F13A1: variants seen among roughly 807,000 people sequenced by gnomAD.
F13A1 encodes the protein FSF, A subunit.
F13A1 carries 47 observed loss-of-function variants against 80.1 expected under a neutral mutation model. The ratio of observed to expected loss-of-function variants is 0.59; its 90% CI spans 0.46 to 0.75. The LOEUF (loss-of-function observed/expected upper bound fraction) is 0.75, where lower values mean the gene tolerates loss of function less well. Among genes scored for constraint, F13A1 ranks in the 30% least tolerant of loss-of-function variants. The pLI is 0.00. For missense variants in F13A1, 817 were observed against 930.4 expected (o/e 0.88, Z 1.59); for synonymous variants, 349 against 344.9 (o/e 1.01, Z -0.13).
chr6:6,231,276 A>C (rs1757348878), intron 6 of F13A1, among the ~76,000 whole-genome samples: 1 of 152,218 alleles, frequency 6.6e-6, no homozygotes, highest in Admixed American at 6.5e-5. Context: ...TACGAATGCG[A>C]AATGCTCTGG....
chr6:6,270,474 A>G (rs1757906181), intron 3 of F13A1, among the ~76,000 whole-genome samples: 2 of 152,220 alleles, frequency 1.3e-5, no homozygotes, highest in East Asian at 1.9e-4. Flanking sequence ...CAATTTTAAG[A>G]TTGCAAAAGT....
intron 6 of F13A1, among the ~76,000 whole-genome samples, chr6:6,227,244 T>C (rs1387592826): frequency 6.6e-6 from 1 of 152,208 alleles, no homozygotes; most frequent in Non-Finnish European, 1.5e-5. Context: ...GTCTAGAAGA[T>C]CACTATTCAA....
chr6:6,258,698 G>A (rs1457301968), intron 4 of F13A1, among the ~76,000 whole-genome samples: 1 of 152,150 alleles, frequency 6.6e-6, no homozygotes, highest in African/African-American at 2.4e-5. Flanking sequence ...AGTCTCTAAT[G>A]ACTCAGATAC....
chr6:6,157,937 AAG>A (rs1019069303), intron 13 of F13A1, among the ~76,000 whole-genome samples: 6 of 152,166 alleles, frequency 3.9e-5, no homozygotes, highest in East Asian at 1.9e-4. Flanking sequence ...AGCTGTCCTG[AAG>A]AGAGAGATGG....
chr6:6,232,195 C>T (rs902356175), intron 6 of F13A1, among the ~76,000 whole-genome samples: 7 of 152,114 alleles, frequency 4.6e-5, no homozygotes, highest in African/African-American at 1.7e-4. Context: ...CTGTCTGCTG[C>T]CTTCAGGAAA....
intron 8 of F13A1, chr6:6,206,333 C>A (rs1761488849): frequency 2.7e-6 from 1 of 377,026 alleles, no homozygotes; most frequent in African/African-American, 2.1e-5. Flanking sequence ...AAACTAGTAA[C>A]CTTCTAACGG....
At chr6:6,164,865 G>C (rs950567856) in intron 13 of F13A1, among the ~76,000 whole-genome samples, 1 of 139,342 alleles carries the variant, frequency 7.2e-6, no homozygotes, top group African/African-American at 2.7e-5. Flanking sequence ...TCCCTCCCCT[G>C]CTATGACTCT....
intron 9 of F13A1, 126 bp from the exon 10 acceptor site, chr6:6,196,011 C>A: frequency 1.1e-6 from 1 of 897,818 alleles, no homozygotes. Context: ...GCTGATTTAG[C>A]CCAGATGCTT....
intron 13 of F13A1, among the ~76,000 whole-genome samples, chr6:6,158,209 C>T (rs958787526): frequency 2.0e-5 from 3 of 152,100 alleles, no homozygotes; most frequent in Admixed American, 6.5e-5. Flanking sequence ...TAACCTGAAA[C>T]AGTGTCACGG....
At chr6:6,237,197 G>A (rs1757425189) in intron 6 of F13A1, among the ~76,000 whole-genome samples, 1 of 152,198 alleles carries the variant, frequency 6.6e-6, no homozygotes, top group South Asian at 2.1e-4. Context: ...TTCTGGGAAT[G>A]TAGAGATCTG....
At chr6:6,261,052 T>G (rs1425946306) in intron 4 of F13A1, among the ~76,000 whole-genome samples, 2 of 152,188 alleles carry the variant, frequency 1.3e-5, no homozygotes, top group African/African-American at 4.8e-5. Flanking sequence ...CACTGCAACC[T>G]CCGCCTCCCA....
intron 14 of F13A1, among the ~76,000 whole-genome samples, chr6:6,146,974 A>T (rs1213682900): frequency 6.6e-6 from 1 of 152,228 alleles, no homozygotes; most frequent in Non-Finnish European, 1.5e-5. Flanking sequence ...CTACTCAGCC[A>T]TAAAAAGGAA....
chr6:6,159,335 G>A (rs1302212921), intron 13 of F13A1, among the ~76,000 whole-genome samples: 2 of 152,124 alleles, frequency 1.3e-5, no homozygotes, highest in Non-Finnish European at 2.9e-5. Context: ...TGAGCCGTAG[G>A]GAGACTGAAG....
rs535661963 is a variant in F13A1 at position 6,299,766 on chromosome 6, A to ATC, written c.319+5583_319+5584dup. Among the ~76,000 whole-genome samples, 487 of 147,918 alleles carry ATC rather than the reference A, an allele frequency of 3.3e-3. 44 individuals are homozygous for ATC. Among genetic ancestry groups the ATC allele is most frequent in the African/African-American group, 0.013 (474 of 37,806 alleles). ...TCTCAGCTCGTCAAAGTCATTCTCC[A>ATC]TCCAGCTTTGTTCCGTTGCTGGTGA... On this transcript the variant is annotated intron_variant, in intron 3 of 14. Coordinates refer to ENST00000264870, the MANE Select transcript of F13A1 (RefSeq NM_000129.4).
At chr6:6,264,600 A>G (rs560097260) in intron 4 of F13A1, among the ~76,000 whole-genome samples, 101 of 152,266 alleles carry the variant, frequency 6.6e-4, no homozygotes, top group Non-Finnish European at 7.9e-4. Flanking sequence ...TCCCAAATAT[A>G]TATCTCTGAT....
chr6:6,213,145 C>G (rs1422657088), intron 8 of F13A1, among the ~76,000 whole-genome samples: 1 of 152,188 alleles, frequency 6.6e-6, no homozygotes, highest in Non-Finnish European at 1.5e-5. Context: ...TCTAGCAAGG[C>G]AGGCCAACGT....
intron 3 of F13A1, among the ~76,000 whole-genome samples, chr6:6,269,611 G>GT (rs1757893476): frequency 6.6e-6 from 1 of 151,950 alleles, no homozygotes; most frequent in African/African-American, 2.4e-5. Flanking sequence ...TTTCTGAGTT[G>GT]TTAATGATCA....
intron 5 of F13A1, 86 bp from the exon 6 acceptor site, chr6:6,248,505 A>C: frequency 9.9e-7 from 1 of 1,006,518 alleles, no homozygotes; most frequent in Non-Finnish European, 1.5e-6. Context: ...TGAAACCACA[A>C]CCTAATGTTT....
chr6:6,225,376 T>C (rs533562644), intron 6 of F13A1, among the ~76,000 whole-genome samples: 1 of 152,274 alleles, frequency 6.6e-6, no homozygotes, highest in African/African-American at 2.4e-5. Context: ...TCATTTTGAG[T>C]GGTAGACTCT....
Sources: allele counts gnomAD v4.1 joint callset (sites outside exome capture counted in the v4.1 genomes callset), GRCh38; gene constraint gnomAD v4.1.1; transcripts MANE v1.5; gene names NCBI Gene and HGNC (gene_info 2026-07-23, HGNC 2026-07-21).